TTC21B: variants seen among roughly 807,000 people sequenced by gnomAD.
The protein encoded by TTC21B is tetratricopeptide repeat protein 21B.
A neutral mutation model predicts 175.1 loss-of-function variants in TTC21B; 127 were observed. The observed-to-expected ratio is 0.73, with a 90% CI of 0.63 to 0.84. The LOEUF (loss-of-function observed/expected upper bound fraction) is 0.84. TTC21B is among the 40% of genes least tolerant of loss of function. TTC21B has a pLI of 0.00. For synonymous variants in TTC21B, 524 were observed against 524.5 expected, an observed-to-expected ratio of 1.00 and a Z score of 0.01; for missense variants, 1,561 against 1,558.3, an observed-to-expected ratio of 1.00 and a Z score of -0.03.
At chr2:165,877,118 TAAC>T (rs1684690080) in intron 27 of TTC21B, among the ~76,000 whole-genome samples, 1 of 152,252 alleles carries the variant, frequency 6.6e-6, no homozygotes, top group African/African-American at 2.4e-5. Flanking sequence ...ACAAGAAAAG[TAAC>T]AGCAGCTGTG....
chr2:165,882,157 T>C (rs1274342201), intron 26 of TTC21B, among the ~76,000 whole-genome samples: 2 of 152,204 alleles, frequency 1.3e-5, no homozygotes, highest in Non-Finnish European at 2.9e-5. Context: ...TCCCTCTTTT[T>C]GTGATGTTAC....
intron 27 of TTC21B, chr2:165,879,976 G>C (rs1684787391): frequency 6.5e-6 from 1 of 152,814 alleles, no homozygotes. Flanking sequence ...ATCTGTAAGA[G>C]GGAGGCATTC....
At chr2:165,913,759 T>C (rs1295117882) in intron 15 of TTC21B, 113 bp from the exon 16 acceptor site, 5 of 820,570 alleles carry the variant, frequency 6.1e-6, no homozygotes, top group Non-Finnish European at 8.1e-6. Flanking sequence ...GCCTTCAGAG[T>C]ATCTCTATAT....
intron 6 of TTC21B, among the ~76,000 whole-genome samples, chr2:165,936,070 T>C (rs1553515008): frequency 1.3e-5 from 2 of 151,326 alleles, no homozygotes; most frequent in Non-Finnish European, 3.0e-5. Flanking sequence ...AGACTTACTA[T>C]AAAGCTTCAG....
In TTC21B at chr2:165,908,157, C is replaced by A. The variant is rs991627059; in HGVS notation, c.2462-373G>T. Among the ~76,000 whole-genome samples the A allele has an allele frequency of 8.5e-5, 13 of 152,252 alleles. 1 individual carries two copies. In the Middle Eastern group the frequency reaches 0.027, roughly 319 times the overall value. ...ATATGCAATTAAGAAGATAACTGCT[C>A]TTTTAAAAATCATAGATATTTGATA... On this transcript the variant is annotated intron_variant, in intron 18 of 28. Coordinates refer to ENST00000243344, the MANE Select transcript of TTC21B (RefSeq NM_024753.5).
chr2:165,935,897 GTAAA>G (rs1687120351), intron 6 of TTC21B, among the ~76,000 whole-genome samples: 1 of 152,102 alleles, frequency 6.6e-6, no homozygotes, highest in Admixed American at 6.6e-5. Context: ...AATTTGATCT[GTAAA>G]CTAACTCAAT....
intron 22 of TTC21B, among the ~76,000 whole-genome samples, chr2:165,894,214 A>G (rs770708993): frequency 6.6e-6 from 1 of 152,164 alleles, no homozygotes; most frequent in Non-Finnish European, 1.5e-5. Context: ...ACCAATTAGT[A>G]TGAAGGAAGG....
intron 27 of TTC21B, 36 bp from the exon 28 acceptor site, chr2:165,876,268 G>A (rs1318312908): frequency 8.0e-7 from 1 of 1,248,946 alleles, no homozygotes; most frequent in South Asian, 1.2e-5. Context: ...GAATGATGGA[G>A]TACACTGCTA....
intron 25 of TTC21B, among the ~76,000 whole-genome samples, chr2:165,885,723 G>GTT (rs780673674): frequency 5.3e-5 from 8 of 152,210 alleles, no homozygotes; most frequent in Non-Finnish European, 8.8e-5. Flanking sequence ...TGATTAGAAC[G>GTT]TATCGGTTCT....
chr2:165,939,112 T>G (rs1248984085), intron 6 of TTC21B, among the ~76,000 whole-genome samples: 1 of 152,164 alleles, frequency 6.6e-6, no homozygotes, highest in Non-Finnish European at 1.5e-5. Context: ...AATGGGAGTT[T>G]AGTCATGTGG....
chr2:165,940,881 A>C (rs932406522), intron 6 of TTC21B, 146 bp downstream of exon 6: 1 of 787,880 alleles, frequency 1.3e-6, no homozygotes, highest in Non-Finnish European at 2.1e-6. Context: ...GTTTAAAAGC[A>C]GTATGATTTT....
rs1287700743 is a variant in TTC21B at position 165,892,127 on chromosome 2, T to C, written c.2951-1139A>G. 4.6e-5 allele frequency among the ~76,000 whole-genome samples: 7 copies of C among 152,270 alleles called. No homozygotes were observed. The East Asian group carries it at 1.4e-3, about 29-fold the overall frequency. On this transcript the variant is annotated intron_variant, in intron 22 of 28. Coordinates refer to ENST00000243344, the MANE Select transcript of TTC21B (RefSeq NM_024753.5). ...CTGATGATTCACATTATTTATTTCT[T>C]TATAGTGGTGTCTTTTAGATGTTTG...
chr2:165,932,049 AAATGTGTTTTAG>A (rs1686930637), intron 7 of TTC21B, among the ~76,000 whole-genome samples, 193 bp from the exon 8 acceptor site: 1 of 152,170 alleles, frequency 6.6e-6, no homozygotes, highest in Admixed American at 6.5e-5. Context: ...CAATAATTAT[AAATGTGTTTTAG>A]AATGTGTTTC....
chr2:165,898,244 G>T (rs1685437486), intron 22 of TTC21B, among the ~76,000 whole-genome samples: 1 of 152,160 alleles, frequency 6.6e-6, no homozygotes, highest in Non-Finnish European at 1.5e-5. Context: ...GCTGGCCACA[G>T]GCGGGATCAC....
chr2:165,884,000 G>C lies in TTC21B; in HGVS notation c.3478C>G (p.Leu1160Val). Residue 1160 changes from leucine (L) to valine (V), a missense_variant, in exon 26 of 29, where the codon CTC (leucine) becomes GTC (valine). Coordinates refer to ENST00000243344, the MANE Select transcript of TTC21B (RefSeq NM_024753.5). ...AASEKEHIPA[L>V]LGMATAYMIL... is the part of the protein sequence containing the mutation. Reference sequence around the variant, plus strand: ...ATATAAGCCGTTGCCATTCCCAAGAGCGCTGGGATATGCTCCTTCTATAAG... The same window carrying C: ...ATATAAGCCGTTGCCATTCCCAAGACCGCTGGGATATGCTCCTTCTATAAG... 6.2e-7 allele frequency: 1 copy of C among 1,613,992 alleles called. No homozygotes were observed. The highest frequency in any genetic ancestry group is 8.5e-7 in the Non-Finnish European group (1 of 1,179,958).
intron 14 of TTC21B, among the ~76,000 whole-genome samples, chr2:165,916,513 C>A (rs1352647227): frequency 6.6e-6 from 1 of 151,978 alleles, no homozygotes; most frequent in Non-Finnish European, 1.5e-5. Flanking sequence ...TATGAGTTTA[C>A]CAAAGCTGTA....
intron 22 of TTC21B, among the ~76,000 whole-genome samples, chr2:165,897,763 T>C (rs1274382925): frequency 6.6e-6 from 1 of 152,084 alleles, no homozygotes; most frequent in Non-Finnish European, 1.5e-5. Flanking sequence ...TTAAACGTCA[T>C]ACAGAGAAGA....
chr2:165,923,620 T>TC (rs1686504030), intron 12 of TTC21B, among the ~76,000 whole-genome samples: 1 of 123,894 alleles, frequency 8.1e-6, no homozygotes, highest in Non-Finnish European at 1.8e-5. Context: ...AATTTCTTGT[T>TC]TTTAGTAGAG....
intron 24 of TTC21B, 147 bp from the exon 25 acceptor site, chr2:165,888,621 G>A: frequency 3.0e-6 from 2 of 677,032 alleles, no homozygotes; most frequent in Non-Finnish European, 5.1e-6. Context: ...TGTAAAGAAT[G>A]TCACTCATTC....
Sources: gnomAD v4.1 joint callset for allele counts (sites outside exome capture counted in the v4.1 genomes callset) on GRCh38, gnomAD v4.1.1 for gene constraint, MANE v1.5 for transcripts, NCBI Gene and HGNC (gene_info 2026-07-23, HGNC 2026-07-21) for gene names.